The following CPA6 variants were observed in gnomAD, a reference collection of about 807,000 sequenced individuals.
CPA6 encodes carboxypeptidase B.
Under a neutral mutation model 63.3 loss-of-function variants are expected in CPA6, and 58 were observed. That is an observed-to-expected ratio of 0.92 (90% CI 0.74 to 1.14). The LOEUF (loss-of-function observed/expected upper bound fraction) is 1.14. Ranked by LOEUF, CPA6 falls within the 50% of genes most tolerant of loss-of-function variation. The probability of loss-of-function intolerance (pLI) is 0.00; values close to 1 mark genes in which losing one functional copy is unlikely to be tolerated. For synonymous variants in CPA6, 185 were observed against 179.0 expected, an observed-to-expected ratio of 1.03 and a Z score of -0.27; for missense variants, 565 against 526.6, an observed-to-expected ratio of 1.07 and a Z score of -0.71.
chr8:67,424,459 T>C (rs936801960), intron 10 of CPA6, among the ~76,000 whole-genome samples: 4 of 152,066 alleles, frequency 2.6e-5, no homozygotes, highest in Non-Finnish European at 4.4e-5. Context: ...GAGGAAGAAA[T>C]GCTCCCTGTC....
intron 3 of CPA6, among the ~76,000 whole-genome samples, chr8:67,516,113 C>T (rs1446930013): frequency 6.6e-6 from 1 of 152,158 alleles, no homozygotes; most frequent in Non-Finnish European, 1.5e-5. Flanking sequence ...AGCTCTGTAT[C>T]AGTGTCACAC....
chr8:67,446,929 A>T (rs979351826), intron 8 of CPA6, among the ~76,000 whole-genome samples: 2 of 152,140 alleles, frequency 1.3e-5, no homozygotes, highest in Non-Finnish European at 2.9e-5. Context: ...ATAGTTTACA[A>T]GTACACATAT....
At chr8:67,607,230 TCTTCTTCTTCTTCTTCTTCTTCTC>T (rs1814682200) in intron 2 of CPA6, among the ~76,000 whole-genome samples, 1 of 107,736 alleles carries the variant, frequency 9.3e-6, no homozygotes, top group African/African-American at 3.4e-5. Context: ...TTCTTCTTCT[TCTTCTTCTTCTTCTTCTTCTTCTC>T]CTCCTCCTCC....
At chr8:67,695,424 T>G (rs892410344) in intron 1 of CPA6, among the ~76,000 whole-genome samples, 3 of 152,230 alleles carry the variant, frequency 2.0e-5, no homozygotes, top group Non-Finnish European at 2.9e-5. Flanking sequence ...TCTTACATCA[T>G]GGAAGGGATA....
chr8:67,732,523 T>G (rs1190263445), intron 1 of CPA6: 2 of 152,228 alleles, frequency 1.3e-5, no homozygotes, highest in Non-Finnish European at 2.9e-5. Context: ...ACTTGCTTAT[T>G]TCCTGAAAGA....
chr8:67,730,935 G>C (rs1251838108), intron 1 of CPA6, among the ~76,000 whole-genome samples: 1 of 152,074 alleles, frequency 6.6e-6, no homozygotes, highest in Non-Finnish European at 1.5e-5. Context: ...CAAAATTCTT[G>C]GTAAGTAGTC....
intron 1 of CPA6, among the ~76,000 whole-genome samples, chr8:67,630,580 C>T (rs972924983): frequency 3.9e-5 from 6 of 152,244 alleles, no homozygotes; most frequent in South Asian, 2.1e-4. Flanking sequence ...TGGCAGCCCT[C>T]GCTCCCTCTC....
At chr8:67,578,726 A>T (rs1374456377) in intron 2 of CPA6, among the ~76,000 whole-genome samples, 2 of 152,236 alleles carry the variant, frequency 1.3e-5, no homozygotes, top group Non-Finnish European at 2.9e-5. Context: ...GAATAAGTAA[A>T]AACATCATTT....
intron 1 of CPA6, among the ~76,000 whole-genome samples, chr8:67,706,533 T>C (rs997349363): frequency 1.3e-5 from 2 of 152,088 alleles, no homozygotes; most frequent in African/African-American, 4.8e-5. Context: ...GGTTAAAGGA[T>C]CATTTTAAGT....
At chr8:67,652,444 G>A (rs1563378051) in intron 1 of CPA6, among the ~76,000 whole-genome samples, 1 of 152,044 alleles carries the variant, frequency 6.6e-6, no homozygotes, top group South Asian at 2.1e-4. Context: ...TCTAACTGGT[G>A]TGAGATGGTA....
chr8:67,483,171 T>C (rs1173578713), intron 8 of CPA6: 1 of 152,576 alleles, frequency 6.6e-6, no homozygotes, highest in Non-Finnish European at 1.5e-5. Context: ...AAACTAGCCA[T>C]GACTAATTTT....
chr8:67,430,095 G>C (rs1809987064), intron 9 of CPA6, among the ~76,000 whole-genome samples: 1 of 149,670 alleles, frequency 6.7e-6, no homozygotes, highest in African/African-American at 2.5e-5. Context: ...CTAGGCATCA[G>C]TTATTGGTGT....
intron 1 of CPA6, among the ~76,000 whole-genome samples, chr8:67,700,459 T>G (rs1177506099): frequency 3.9e-5 from 6 of 152,212 alleles, no homozygotes. Flanking sequence ...CTTTTGCAAT[T>G]TGGGGATTTG....
At chr8:67,744,015 A>G (rs13252041) in intron 1 of CPA6, among the ~76,000 whole-genome samples, 9,103 of 152,332 alleles carry the variant, frequency 0.06, 371 homozygotes, top group Non-Finnish European at 0.086. Context: ...ATGTCTTCCC[A>G]TCAGATTCTT....
At chr8:67,464,178 A>C (rs1810875601) in intron 8 of CPA6, among the ~76,000 whole-genome samples, 1 of 152,020 alleles carries the variant, frequency 6.6e-6, no homozygotes, top group Non-Finnish European at 1.5e-5. Context: ...AGCATCTGTT[A>C]TTTTTATTAT....
intron 6 of CPA6, among the ~76,000 whole-genome samples, chr8:67,502,971 T>C (rs988172397): frequency 4.6e-5 from 7 of 152,320 alleles, no homozygotes; most frequent in African/African-American, 1.7e-4. Context: ...TACAGTCTAT[T>C]AGATCCTGTT....
At chr8:67,722,905 G>T (rs1260302845) in intron 1 of CPA6, among the ~76,000 whole-genome samples, 1 of 151,520 alleles carries the variant, frequency 6.6e-6, no homozygotes, top group Non-Finnish European at 1.5e-5. Context: ...ATGTTAAAGG[G>T]AGAAGTTGAT....
At chr8:67,510,065 G>T (rs1416419984) in intron 4 of CPA6, among the ~76,000 whole-genome samples, 5 of 152,118 alleles carry the variant, frequency 3.3e-5, no homozygotes, top group Non-Finnish European at 5.9e-5. Flanking sequence ...GCCACTGAAA[G>T]AAAATGCTAA....
At chr8:67,604,247 G>A (rs543128442) in intron 2 of CPA6, among the ~76,000 whole-genome samples, 16 of 152,122 alleles carry the variant, frequency 1.1e-4, no homozygotes, top group African/African-American at 3.6e-4. Context: ...TCAAGGACTC[G>A]AAAAAATAGA....
Sources: gnomAD v4.1 joint callset for allele counts (sites outside exome capture counted in the v4.1 genomes callset) on GRCh38, gnomAD v4.1.1 for gene constraint, MANE v1.5 for transcripts, NCBI Gene and HGNC (gene_info 2026-07-23, HGNC 2026-07-21) for gene names.